The following DDC variants were observed in gnomAD, a reference collection of about 807,000 sequenced individuals.
DDC encodes the protein aromatic-L-amino-acid decarboxylase.
In DDC, 43 loss-of-function variants were observed where a neutral mutation model predicts 60.0. The observed-to-expected ratio is 0.72, with a 90% CI of 0.56 to 0.92. The LOEUF (loss-of-function observed/expected upper bound fraction) is 0.92, where lower values mean the gene tolerates loss of function less well. DDC is among the 40% of genes least tolerant of loss of function. The probability of loss-of-function intolerance (pLI) is 0.00; values close to 1 mark genes in which losing one functional copy is unlikely to be tolerated. For missense variants in DDC, 573 were observed against 620.2 expected, an observed-to-expected ratio of 0.92 and a Z score of 0.81; for synonymous variants, 232 against 234.6, an observed-to-expected ratio of 0.99 and a Z score of 0.10.
At chr7:50,555,920 C>G (rs1169178022) in intron 1 of DDC, among the ~76,000 whole-genome samples, 1 of 152,180 alleles carries the variant, frequency 6.6e-6, no homozygotes, top group Non-Finnish European at 1.5e-5. Flanking sequence ...TCTCTAACAG[C>G]TGTAGCCAGA....
At chr7:50,561,981 G>GCA (rs147799720) in intron 1 of DDC, among the ~76,000 whole-genome samples, 1 of 151,758 alleles carries the variant, frequency 6.6e-6, no homozygotes, top group Admixed American at 6.6e-5. Flanking sequence ...ACACACACAT[G>GCA]CACACACACA....
intron 6 of DDC, among the ~76,000 whole-genome samples, chr7:50,514,002 G>A (rs1419141872): frequency 2.0e-5 from 3 of 152,102 alleles, no homozygotes; most frequent in Non-Finnish European, 4.4e-5. Context: ...ACTACCTCCT[G>A]CAGAAGGCCA....
At chr7:50,554,143 T>C (rs1390133709) in intron 1 of DDC, among the ~76,000 whole-genome samples, 1 of 152,178 alleles carries the variant, frequency 6.6e-6, no homozygotes, top group South Asian at 2.1e-4. Context: ...CTGTTACCTT[T>C]AACCTCCACC....
chr7:50,542,083 G>A (rs952475949), intron 2 of DDC, among the ~76,000 whole-genome samples: 1 of 152,104 alleles, frequency 6.6e-6, no homozygotes, highest in African/African-American at 2.4e-5. Flanking sequence ...AGCACAGCAG[G>A]TCCAGGCCCA....
intron 1 of DDC, among the ~76,000 whole-genome samples, chr7:50,546,970 G>T (rs2044826149): frequency 6.6e-6 from 1 of 152,182 alleles, no homozygotes; most frequent in Non-Finnish European, 1.5e-5. Context: ...AAAGCAGCCA[G>T]CTTACAATTC....
intron 6 of DDC, among the ~76,000 whole-genome samples, chr7:50,526,561 A>G (rs1049490103): frequency 1.3e-5 from 2 of 152,246 alleles, no homozygotes; most frequent in Admixed American, 6.5e-5. Context: ...GAGAAAAGCA[A>G]TCATATAATA....
intron 1 of DDC, among the ~76,000 whole-genome samples, chr7:50,551,567 T>C (rs1319109417): frequency 1.3e-5 from 2 of 152,120 alleles, no homozygotes; most frequent in African/African-American, 4.8e-5. Context: ...TGAATAGCTT[T>C]TTCGTGTGTT....
chr7:50,459,476 G>A (rs1012839389), intron 14 of DDC, among the ~76,000 whole-genome samples: 21 of 151,360 alleles, frequency 1.4e-4, no homozygotes, highest in African/African-American at 2.0e-4. Flanking sequence ...AGTGAGGAGC[G>A]TCTCTGCCCG....
chr7:50,563,273 G>T (rs766584518), intron 1 of DDC, among the ~76,000 whole-genome samples: 5 of 152,080 alleles, frequency 3.3e-5, no homozygotes, highest in Non-Finnish European at 2.9e-5. Flanking sequence ...GAACATGTTG[G>T]TGTGAGAGCA....
In DDC at chr7:50,537,984, C is replaced by T. The variant is rs2044474558; in HGVS notation, c.316-5G>A. ...TGTGCATGCTGGGCTTGCCGCCTGT[C>T]GTGGGGGAAGGGAAGGGATTAACCG... On this transcript the variant is annotated splice_polypyrimidine_tract_variant and splice_region_variant and intron_variant, in intron 3 of 14. Coordinates refer to ENST00000444124, the MANE Select transcript of DDC (RefSeq NM_001082971.2). 2 of 1,614,110 alleles carry T rather than the reference C, an allele frequency of 1.2e-6. No homozygotes were observed. The highest frequency in any genetic ancestry group is 1.7e-6 in the Non-Finnish European group (2 of 1,180,024).
intron 6 of DDC, among the ~76,000 whole-genome samples, chr7:50,513,491 G>A (rs1431970628): frequency 2.0e-5 from 3 of 152,188 alleles, no homozygotes; most frequent in Non-Finnish European, 4.4e-5. Flanking sequence ...AGAACTCGGG[G>A]ACGGTGCAAA....
intron 6 of DDC, 85 bp from the exon 7 acceptor site, chr7:50,504,144 GT>G: frequency 2.1e-6 from 2 of 932,140 alleles, no homozygotes; most frequent in Non-Finnish European, 3.6e-6. Flanking sequence ...CTGCCCCATG[GT>G]CCAACCTGGG....
At chr7:50,553,484 C>CTT (rs5884158) in intron 1 of DDC, among the ~76,000 whole-genome samples, 9,312 of 90,860 alleles carry the variant, frequency 0.1, 728 homozygotes, top group South Asian at 0.14. Flanking sequence ...TCTTTCTTTT[C>CTT]TTTTTTTTTT....
chr7:50,492,265 C>G (rs1383073958), intron 9 of DDC, among the ~76,000 whole-genome samples: 8 of 152,206 alleles, frequency 5.3e-5, no homozygotes, highest in Admixed American at 5.2e-4. Flanking sequence ...TGCCCCCAAA[C>G]AGTAAAGATC....
chr7:50,486,081 G>C (rs566668820), intron 9 of DDC, among the ~76,000 whole-genome samples: 2 of 152,236 alleles, frequency 1.3e-5, no homozygotes, highest in East Asian at 3.9e-4. Context: ...GCTAAAATTC[G>C]AGACTACTTC....
intron 10 of DDC, among the ~76,000 whole-genome samples, 170 bp downstream of exon 10, chr7:50,479,617 C>T (rs2042722825): frequency 6.6e-6 from 1 of 152,142 alleles, no homozygotes; most frequent in African/African-American, 2.4e-5. Flanking sequence ...CTTAACCAAC[C>T]CACAGGGAGT....
chr7:50,555,296 C>A (rs967917945), intron 1 of DDC, among the ~76,000 whole-genome samples: 8 of 152,132 alleles, frequency 5.3e-5, no homozygotes, highest in Non-Finnish European at 8.8e-5. Context: ...GTGGGGGAGA[C>A]AAGAGATCTG....
At chr7:50,554,906 G>A (rs1311408138) in intron 1 of DDC, among the ~76,000 whole-genome samples, 11 of 152,192 alleles carry the variant, frequency 7.2e-5, no homozygotes. Context: ...AGGCAGCATG[G>A]CACTGCGGGG....
At chr7:50,498,209 G>A (rs2043167954) in intron 8 of DDC, among the ~76,000 whole-genome samples, 1 of 152,210 alleles carries the variant, frequency 6.6e-6, no homozygotes, top group Admixed American at 6.5e-5. Flanking sequence ...ACTCGCCCAA[G>A]GGTACACAGC....
Sources: gnomAD v4.1 joint callset for allele counts (sites outside exome capture counted in the v4.1 genomes callset) on GRCh38, gnomAD v4.1.1 for gene constraint, MANE v1.5 for transcripts, NCBI Gene and HGNC (gene_info 2026-07-23, HGNC 2026-07-21) for gene names.